The following SRRM2 variants were observed in gnomAD, a reference collection of about 807,000 sequenced individuals.
The protein encoded by SRRM2 is serine/arginine repetitive matrix 2.
Under a neutral mutation model 213.8 loss-of-function variants are expected in SRRM2, and 30 were observed. The ratio of observed to expected loss-of-function variants is 0.14; its 90% CI spans 0.10 to 0.19. SRRM2 has a LOEUF of 0.19. SRRM2 is among the 10% of genes least tolerant of loss of function. The pLI, the probability that SRRM2 is intolerant of heterozygous loss-of-function variation, is 1.00. For synonymous variants in SRRM2, 2,025 were observed against 1,377.7 expected, an observed-to-expected ratio of 1.47 and a Z score of -10.40; for missense variants, 4,904 against 3,647.0, an observed-to-expected ratio of 1.34 and a Z score of -8.88.
chr16:2,756,240 T>C, intron 1 of SRRM2, 94 bp from the exon 2 acceptor site: 1 of 1,157,950 alleles, frequency 8.6e-7, no homozygotes, highest in Non-Finnish European at 1.2e-6. Flanking sequence ...CAATGTTGAA[T>C]TAGGGATGAA....
At position 2,764,880 on chromosome 16, in the gene SRRM2, C is replaced by A. The variant is rs372915197; in HGVS notation, c.4352C>A (p.Ser1451Tyr). 27 of 1,614,082 alleles carry A rather than the reference C, an allele frequency of 1.7e-5. No homozygotes were observed. The East Asian group carries it at 5.6e-4, about 33-fold the overall frequency. ...TCTTCTCCAGGACTTAGAGATGGGT[C>A]TGGGACTCCCTCGAGGCACAGCCTG... ...SGSSPGLRDG[S>Y]GTPSRHSLSG... Residue 1451 changes from serine (S) to tyrosine (Y), a missense_variant, in exon 11 of 15, where the codon TCT becomes TAT. Coordinates refer to ENST00000301740, the MANE Select transcript of SRRM2 (RefSeq NM_016333.4).
chr16:2,756,274 G>C, intron 1 of SRRM2, 60 bp from the exon 2 acceptor site: 2 of 1,406,702 alleles, frequency 1.4e-6, no homozygotes, highest in Non-Finnish European at 9.4e-7. Flanking sequence ...TTGGGTGTGG[G>C]GCGGTAAGTG....
Position 2,763,623 on chromosome 16 carries a change from C to A in SRRM2, c.3095C>A (p.Ser1032Tyr). 4 of 1,614,152 alleles carry A rather than the reference C, an allele frequency of 2.5e-6. No homozygotes were observed. The highest frequency in any genetic ancestry group is 3.4e-6 in the Non-Finnish European group (4 of 1,180,028). The change falls in exon 11 of 15, where the codon TCC becomes TAC. Residue 1032 changes from serine (S) to tyrosine (Y), a missense_variant. Coordinates refer to ENST00000301740, the MANE Select transcript of SRRM2 (RefSeq NM_016333.4). ...TCACTAGTTCAAAGTTGCCCTGGAT[C>A]CCTCTCTCTCTGTGCAGGAGTAAAA... Reference protein sequence around the residue: ...KDSLVQSCPGSLSLCAGVKSS... With the variant: ...KDSLVQSCPGYLSLCAGVKSS...
chr16:2,762,224 T>G lies in SRRM2; in HGVS notation c.1696T>G (p.Ser566Ala). 1 of 1,612,646 alleles carries G rather than the reference T, an allele frequency of 6.2e-7. No individual in the cohort carries two copies. The highest frequency in any genetic ancestry group is 1.7e-5 in the Admixed American group (1 of 59,924). The change falls in exon 11 of 15, where the codon TCC becomes GCC. Residue 566 changes from serine to alanine, a missense_variant. By Grantham distance (99) the Ser-to-Ala change is moderately conservative. Transcript: ENST00000301740. ...SARRGRSHSRSPATRGRSRSR... is the reference protein window; with the variant it reads ...SARRGRSHSRAPATRGRSRSR... ...AAGGCGAGGGAGGTCCCACTCTAGA[T>G]CCCCAGCCACTAGGGGTAGATCTCG...
At position 2,763,212 on chromosome 16, in the gene SRRM2, C is replaced by G. The variant is rs980375315; in HGVS notation, c.2684C>G (p.Ser895Cys). 8 of 1,613,952 alleles carry G rather than the reference C, an allele frequency of 5.0e-6. No homozygotes were observed. The highest frequency in any genetic ancestry group is 6.8e-6 in the Non-Finnish European group (8 of 1,179,992). The change falls in exon 11 of 15, where the codon TCT (serine) becomes TGT (cysteine). Residue 895 changes from serine to cysteine, a missense_variant. Physicochemically the swap from Ser to Cys is moderately radical, Grantham distance 112 (BLOSUM62 -1). Coordinates refer to ENST00000301740, the MANE Select transcript of SRRM2 (RefSeq NM_016333.4). ...TPSRHSCSGS[S>C]PPRVKSSTPP... Reference sequence around the variant, plus strand: ...TCTAGACATAGCTGCTCAGGGTCCTCTCCTCCTAGAGTGAAATCTAGCACA... The same window carrying G: ...TCTAGACATAGCTGCTCAGGGTCCTGTCCTCCTAGAGTGAAATCTAGCACA...
At position 2,770,380 on chromosome 16, in the gene SRRM2, T is replaced by G; in HGVS notation, c.8050T>G (p.Ser2684Ala). 6.2e-7 allele frequency: 1 copy of G among 1,607,784 alleles called. No individual in the cohort carries two copies. Among genetic ancestry groups the G allele is most frequent in the Non-Finnish European group, 8.5e-7 (1 of 1,177,276 alleles). The change falls in exon 13 of 15, where the codon TCC (serine) becomes GCC (alanine). Residue 2684 changes from serine to alanine, a missense_variant. Physicochemically the swap from Ser to Ala is moderately conservative, Grantham distance 99. Coordinates refer to ENST00000301740, the MANE Select transcript of SRRM2 (RefSeq NM_016333.4). ...CCGCAGCCCCCGGAAGCCAATAGAC[T>G]CCCTCAGGGACTCTCGGTCCCTCAG... is the stretch of plus-strand genomic sequence containing the variant. ...RSRSPRKPID[S>A]LRDSRSLSYS...
intron 14 of SRRM2, 38 bp downstream of exon 14, chr16:2,770,755 C>T (rs1021178868): frequency 6.3e-7 from 1 of 1,595,272 alleles, no homozygotes; most frequent in African/African-American, 1.3e-5. Context: ...CTTCCGGGAG[C>T]CAGTTGTGGT....
At position 2,757,795 on chromosome 16, in the gene SRRM2, A is replaced by G; in HGVS notation, c.365A>G (p.His122Arg). The change falls in exon 4 of 15, where the codon CAC (histidine) becomes CGC (arginine). Residue 122 changes from histidine (H) to arginine (R), a missense_variant. Transcript: ENST00000301740. ...PGQRPAVTET[H>R]QLAELNEKKN... ...CTTTTCTCTAGGGTCACGGAGACTC[A>G]CCAGTTGGCAGAATTAAATGAGAAG... The G allele has an allele frequency of 3.7e-6, 6 of 1,613,920 alleles. No homozygotes were observed. Among genetic ancestry groups the G allele is most frequent in the Non-Finnish European group, 5.1e-6 (6 of 1,179,970 alleles).
chr16:2,765,545 A>C lies in SRRM2; in HGVS notation c.5017A>C (p.Arg1673=), dbSNP rs1401043216. 2.5e-6 allele frequency: 4 copies of C among 1,614,062 alleles called. No individual in the cohort carries two copies. Among genetic ancestry groups the C allele is most frequent in the Non-Finnish European group, 3.4e-6 (4 of 1,180,018 alleles). Residue 1673 remains arginine, a synonymous_variant, in exon 11 of 15, where the codon AGG becomes CGG. Coordinates refer to ENST00000301740, the MANE Select transcript of SRRM2 (RefSeq NM_016333.4). ...ATCCAGAACTGCTCGCAGAGGTTCCAGGTCATCACCAGAGCCCAAGACCAA... is the reference window on the plus strand; with the variant it reads ...ATCCAGAACTGCTCGCAGAGGTTCCCGGTCATCACCAGAGCCCAAGACCAA... ...PKSRTARRGS[R]SSPEPKTKSR...
Position 2,762,187 on chromosome 16 carries a change from G to T in SRRM2, c.1659G>T (p.Arg553Ser). The T allele has an allele frequency of 6.2e-7, 1 of 1,614,124 alleles. No individual in the cohort carries two copies. Among genetic ancestry groups the T allele is most frequent in the Non-Finnish European group, 8.5e-7 (1 of 1,180,002 alleles). ...GCAGAAATACCCAGAGAAGAGGCAG[G>T]TCTAGGTCAGCAAGGCGAGGGAGGT... ...SRSRNTQRRGRSRSARRGRSH... is the reference protein window; with the variant it reads ...SRSRNTQRRGSSRSARRGRSH... The change falls in exon 11 of 15, where the codon AGG (arginine) becomes AGT (serine). Residue 553 changes from arginine (R) to serine (S), a missense_variant. Transcript: ENST00000301740.
In SRRM2 at chr16:2,764,889, C is replaced by G; in HGVS notation, c.4361C>G (p.Pro1454Arg). ...SPGLRDGSGT[P>R]SRHSLSGSSP... ...GGACTTAGAGATGGGTCTGGGACTC[C>G]CTCGAGGCACAGCCTGTCTGGGTCC... The change falls in exon 11 of 15, where the codon CCC (proline) becomes CGC (arginine). Residue 1454 changes from proline (P) to arginine (R), a missense_variant. By Grantham distance (103) the Pro-to-Arg change is moderately radical (BLOSUM62 -2). Coordinates refer to ENST00000301740, the MANE Select transcript of SRRM2 (RefSeq NM_016333.4). 1.9e-6 allele frequency: 3 copies of G among 1,614,178 alleles called. No individual in the cohort carries two copies. The highest frequency in any genetic ancestry group is 2.5e-6 in the Non-Finnish European group (3 of 1,180,036).
In SRRM2 at chr16:2,768,182, T is replaced by C; in HGVS notation, c.7654T>C (p.Ser2552Pro). 7.0e-7 allele frequency: 1 copy of C among 1,437,502 alleles called. No homozygotes were observed. The highest frequency in any genetic ancestry group is 9.6e-7 in the Non-Finnish European group (1 of 1,041,826). The allele number at this position is 1,437,502 out of a possible 1,614,324, so 89.0% of individuals were successfully genotyped here. ...SSSSSSSSSS[S>P]SSSSGSSSSD... is the part of the protein sequence containing the mutation. ...CTCTTCTTCATCATCGTCGTCGTCG[T>C]CCTCCTCCTCCTCTGGCTCCAGTTC... The change falls in exon 11 of 15, where the codon TCC becomes CCC. Residue 2552 changes from serine (S) to proline (P), a missense_variant. Coordinates refer to ENST00000301740, the MANE Select transcript of SRRM2 (RefSeq NM_016333.4).
rs376289698 is a variant in SRRM2 at position 2,766,353 on chromosome 16, C to T, written c.5825C>T (p.Thr1942Ile). Residue 1942 changes from threonine to isoleucine, a missense_variant, in exon 11 of 15, where the codon ACA becomes ATA. Transcript: ENST00000301740. The surrounding 1 kb of genome is among the most constrained non-coding windows in gnomAD (Gnocchi z 7.0). ...RRRSRSRTPT[T>I]RRRSRSRTPP... ...CGTTCAAGGTCTAGAACGCCAACAA[C>T]ACGCCGCCGCTCCCGTTCTAGAACT... is the stretch of plus-strand genomic sequence containing the variant. 2.5e-6 allele frequency: 4 copies of T among 1,614,166 alleles called. No individual in the cohort carries two copies. The highest frequency in any genetic ancestry group is 3.4e-6 in the Non-Finnish European group (4 of 1,180,028).
Position 2,762,458 on chromosome 16 carries a change from A to G in SRRM2, c.1930A>G (p.Ser644Gly). 1 of 1,613,792 alleles carries G rather than the reference A, an allele frequency of 6.2e-7. No homozygotes were observed. Among genetic ancestry groups the G allele is most frequent in the Non-Finnish European group, 8.5e-7 (1 of 1,179,920 alleles). Reference protein sequence around the residue: ...RSRSRSPARRSGRSRSRTPAR... With the variant: ...RSRSRSPARRGGRSRSRTPAR... Reference sequence around the variant, plus strand: ...TCGTAGTAGATCACCAGCCAGGAGAAGTGGCAGGTCACGCTCTAGAACCCC... The same window carrying G: ...TCGTAGTAGATCACCAGCCAGGAGAGGTGGCAGGTCACGCTCTAGAACCCC... The change falls in exon 11 of 15, where the codon AGT (serine) becomes GGT (glycine). Residue 644 changes from serine to glycine, a missense_variant. By Grantham distance (56) the Ser-to-Gly change is moderately conservative. Transcript: ENST00000301740.
chr16:2,759,539 C>T, intron 8 of SRRM2, 30 bp from the exon 9 acceptor site: 1 of 1,608,926 alleles, frequency 6.2e-7, no homozygotes, highest in Non-Finnish European at 8.5e-7. Context: ...TACAGCAGTA[C>T]CCTGAGCTGT....
chr16:2,765,460 C>T lies in SRRM2; in HGVS notation c.4932C>T (p.Gly1644=), dbSNP rs775977845. The part of the protein sequence containing the change: ...RRSRSGSSSK[G]RGPSPEGSSS... ...GCAGATCAGGTTCATCAAGCAAAGG[C>T]AGAGGCCCTTCTCCTGAAGGAAGCA... Residue 1644 remains glycine, a synonymous_variant, in exon 11 of 15, where the codon GGC becomes GGT. Coordinates refer to ENST00000301740, the MANE Select transcript of SRRM2 (RefSeq NM_016333.4). The T allele has an allele frequency of 1.2e-6, 2 of 1,614,040 alleles. No homozygotes were observed. Among genetic ancestry groups the T allele is most frequent in the Admixed American group, 1.7e-5 (1 of 60,008 alleles).
chr16:2,769,553 C>G, intron 12 of SRRM2: 1 of 647,562 alleles, frequency 1.5e-6, no homozygotes, highest in East Asian at 2.9e-5. Flanking sequence ...TCCCAGGGTT[C>G]TAGCTTTGTC....
intron 11 of SRRM2, 49 bp from the exon 12 acceptor site, chr16:2,768,948 T>A: frequency 1.2e-6 from 2 of 1,608,440 alleles, no homozygotes; most frequent in Non-Finnish European, 1.7e-6. Context: ...GAAGGTAGGG[T>A]TGGGGCTGGG....
chr16:2,758,387 A>G (rs1450633026), intron 4 of SRRM2, 83 bp from the exon 5 acceptor site: 9 of 1,248,036 alleles, frequency 7.2e-6, no homozygotes, highest in African/African-American at 1.5e-5. Flanking sequence ...TTTTATTACT[A>G]TTTTTTTAGA....
Sources: gnomAD v4.1 joint callset for allele counts on GRCh38, gnomAD v4.1.1 for gene constraint, Gnocchi (gnomAD v3.1) non-coding constraint, MANE v1.5 for transcripts, NCBI Gene and HGNC (gene_info 2026-07-23, HGNC 2026-07-21) for gene names.